PCDH9: variants seen among roughly 807,000 people sequenced by gnomAD.
The protein encoded by PCDH9 is protocadherin-9.
In PCDH9, 24 loss-of-function variants were observed where a neutral mutation model predicts 70.6. That is an observed-to-expected ratio of 0.34 (90% CI 0.25 to 0.48). The LOEUF (loss-of-function observed/expected upper bound fraction) is 0.48. Among genes scored for constraint, PCDH9 ranks in the 20% least tolerant of loss-of-function variants. The pLI is 0.99. For synonymous variants in PCDH9, 562 were observed against 558.5 expected (o/e 1.01, Z -0.09); for missense variants, 1,281 against 1,503.6 (o/e 0.85, Z 2.45).
At chr13:66,449,396 T>A (rs941355372) in intron 4 of PCDH9, among the ~76,000 whole-genome samples, 1 of 152,212 alleles carries the variant, frequency 6.6e-6, no homozygotes, top group East Asian at 1.9e-4. Flanking sequence ...TTCTCTTTTT[T>A]CTTCTACTGT....
intron 2 of PCDH9, among the ~76,000 whole-genome samples, chr13:67,150,330 C>T (rs899691378): frequency 6.6e-6 from 1 of 152,170 alleles, no homozygotes; most frequent in Admixed American, 6.5e-5. Flanking sequence ...AGCCACTGTG[C>T]CTGGCCCATA....
chr13:66,711,071 T>C (rs1180140376), intron 3 of PCDH9, among the ~76,000 whole-genome samples: 1 of 152,156 alleles, frequency 6.6e-6, no homozygotes. Flanking sequence ...GGAATATTTT[T>C]TGTCTACCAC....
At chr13:66,763,917 G>A (rs2079668543) in intron 3 of PCDH9, among the ~76,000 whole-genome samples, 1 of 151,910 alleles carries the variant, frequency 6.6e-6, no homozygotes, top group African/African-American at 2.4e-5. Context: ...TTCTGTCTCA[G>A]CTTCCCAAGT....
At chr13:66,392,418 G>GA (rs1313631493) in intron 4 of PCDH9, among the ~76,000 whole-genome samples, 1 of 151,958 alleles carries the variant, frequency 6.6e-6, no homozygotes, top group Non-Finnish European at 1.5e-5. Flanking sequence ...ATTCATCCTG[G>GA]AAAATGTAAT....
intron 4 of PCDH9, among the ~76,000 whole-genome samples, chr13:66,333,606 A>C (rs1955980906): frequency 6.6e-6 from 1 of 152,208 alleles, no homozygotes; most frequent in African/African-American, 2.4e-5. Flanking sequence ...CTTTTGTATA[A>C]AAATTACAGG....
intron 2 of PCDH9, among the ~76,000 whole-genome samples, chr13:67,046,570 G>A (rs2085225802): frequency 6.6e-6 from 1 of 152,028 alleles, no homozygotes; most frequent in African/African-American, 2.4e-5. Flanking sequence ...TGGAAGTGAG[G>A]ATCTAGGATT....
intron 4 of PCDH9, among the ~76,000 whole-genome samples, chr13:66,433,263 A>C (rs965876886): frequency 2.6e-5 from 4 of 151,986 alleles, no homozygotes; most frequent in African/African-American, 9.7e-5. Context: ...CTATTAGTTT[A>C]ATTTAAATGC....
chr13:67,010,812 T>C (rs774904473), intron 2 of PCDH9, among the ~76,000 whole-genome samples: 2 of 151,992 alleles, frequency 1.3e-5, no homozygotes, highest in African/African-American at 4.8e-5. Context: ...CCACCATCGA[T>C]GGGAGGTAGA....
intron 4 of PCDH9, among the ~76,000 whole-genome samples, chr13:66,337,649 T>C (rs1436028307): frequency 6.6e-6 from 1 of 151,820 alleles, no homozygotes; most frequent in East Asian, 1.9e-4. Context: ...TGGCTATTAA[T>C]GTCTGATAAT....
At chr13:66,444,665 A>T (rs181052523) in intron 4 of PCDH9, among the ~76,000 whole-genome samples, 1 of 152,134 alleles carries the variant, frequency 6.6e-6, no homozygotes, top group East Asian at 1.9e-4. Flanking sequence ...GGTTCAAGCG[A>T]TTCTCCTGTC....
intron 2 of PCDH9, among the ~76,000 whole-genome samples, chr13:67,003,446 T>C (rs752391638): frequency 6.6e-6 from 1 of 152,174 alleles, no homozygotes; most frequent in South Asian, 2.1e-4. Context: ...TGTTATCACA[T>C]TGTTTTAAGG....
rs1396286854 is a variant in PCDH9, at chr13:67,140,027, C to CG, written c.3036+85377_3036+85378insC. On this transcript the variant is annotated intron_variant, in intron 2 of 4. Coordinates refer to ENST00000377865, the MANE Select transcript of PCDH9 (RefSeq NM_203487.3). ...ACTGAAAATGTGATTTTTTGATCAC[C>CG]CCCCCCCCCCCGCCCATTGTGTTAT... 3.9e-4 allele frequency among the ~76,000 whole-genome samples: 15 copies of CG among 38,744 alleles called. 1 individual carries two copies. The highest frequency in any genetic ancestry group is 1.8e-3 in the East Asian group (1 of 566). The allele number at this position is 38,744 out of a possible 152,430, so 25.4% of individuals were successfully genotyped here. A position where few individuals can be genotyped will look rare whatever the true frequency, so the allele number is the denominator to read the frequency against.
At chr13:66,997,835 G>A (rs1007323435) in intron 2 of PCDH9, among the ~76,000 whole-genome samples, 2 of 152,006 alleles carry the variant, frequency 1.3e-5, no homozygotes, top group African/African-American at 4.8e-5. Context: ...GCCTGGACTG[G>A]AGGTCATATT....
chr13:66,615,361 G>T (rs906324368), intron 4 of PCDH9, among the ~76,000 whole-genome samples: 1 of 152,066 alleles, frequency 6.6e-6, no homozygotes, highest in Non-Finnish European at 1.5e-5. Flanking sequence ...AATTGTATGA[G>T]ATTTCTAAAA....
intron 4 of PCDH9, among the ~76,000 whole-genome samples, chr13:66,359,326 CAT>C (rs1157040981): frequency 6.6e-6 from 1 of 151,844 alleles, no homozygotes; most frequent in Admixed American, 6.6e-5. Flanking sequence ...TTAGCTATAA[CAT>C]AGTTAAAACG....
chr13:66,949,750 T>C (rs2083147230), intron 2 of PCDH9, among the ~76,000 whole-genome samples: 1 of 151,706 alleles, frequency 6.6e-6, no homozygotes. Context: ...GAAAAATGAG[T>C]AAAGAAACAA....
chr13:66,781,270 G>A (rs1402627169), intron 3 of PCDH9, among the ~76,000 whole-genome samples: 1 of 152,156 alleles, frequency 6.6e-6, no homozygotes, highest in Admixed American at 6.5e-5. Flanking sequence ...CTGAATGCGT[G>A]TAAGTCATCC....
intron 3 of PCDH9, among the ~76,000 whole-genome samples, chr13:66,797,850 A>G (rs1361483665): frequency 6.6e-6 from 1 of 152,046 alleles, no homozygotes; most frequent in African/African-American, 2.4e-5. Context: ...GCTAAGCTGG[A>G]ACCTATTTCT....
chr13:66,759,919 G>T (rs766892729), intron 3 of PCDH9, among the ~76,000 whole-genome samples: 5 of 152,084 alleles, frequency 3.3e-5, no homozygotes, highest in Admixed American at 3.3e-4. Context: ...AAATTTGACT[G>T]TGTAGTTCAT....
Sources: allele counts gnomAD v4.1 joint callset (sites outside exome capture counted in the v4.1 genomes callset), GRCh38; gene constraint gnomAD v4.1.1; transcripts MANE v1.5; gene names NCBI Gene and HGNC (gene_info 2026-07-23, HGNC 2026-07-21).